Variants in RBM25 observed in about 807,000 individuals in gnomAD.
The protein encoded by RBM25 is RNA binding motif protein 25.
Under a neutral mutation model 120.7 loss-of-function variants are expected in RBM25, and 19 were observed. The ratio of observed to expected loss-of-function variants is 0.16; its 90% CI spans 0.11 to 0.23. The LOEUF is 0.23. RBM25 is among the 10% of genes least tolerant of loss of function. The probability of loss-of-function intolerance (pLI) is 1.00; values close to 1 mark genes in which losing one functional copy is unlikely to be tolerated. For synonymous variants in RBM25, 390 were observed against 326.7 expected (o/e 1.19, Z -2.09); for missense variants, 605 against 1,041.5 (o/e 0.58, Z 5.77).
rs539968090 is a variant in RBM25 at position 73,078,105 on chromosome 14, C to G, written c.324+569C>G. Among the ~76,000 whole-genome samples, 7 of 152,268 alleles carry G rather than the reference C, an allele frequency of 4.6e-5. No homozygotes were observed. In the South Asian group the frequency reaches 1.4e-3, roughly 32 times the overall value. Reference sequence around the variant, plus strand: ...ATCATTTGTGGTCAGGAGTTCGAGACCAGCCTGACCAACATGGTGAGACCC... The same window carrying G: ...ATCATTTGTGGTCAGGAGTTCGAGAGCAGCCTGACCAACATGGTGAGACCC... On this transcript the variant is annotated intron_variant, in intron 4 of 18. Transcript: ENST00000261973.
rs149771439 is a variant in RBM25 at position 73,123,076 on chromosome 14, A to G, written c.*3271A>G. Reference sequence around the variant, plus strand: ...CCAGCCCTGAAAATTTTTTCTGTAGATAACTTTATGTTGTAACTTATTCTG... The same window carrying G: ...CCAGCCCTGAAAATTTTTTCTGTAGGTAACTTTATGTTGTAACTTATTCTG... On this transcript the variant is annotated 3_prime_UTR_variant, in exon 19 of 19. Coordinates refer to ENST00000261973, the MANE Select transcript of RBM25 (RefSeq NM_021239.3). 176 of 152,228 alleles carry G rather than the reference A, an allele frequency of 1.2e-3. No homozygotes were observed. The highest frequency in any genetic ancestry group is 3.4e-3 in the African/African-American group (142 of 41,542). The allele number at this position is 152,228 out of a possible 1,614,324, so 9.4% of individuals were successfully genotyped here. A position where few individuals can be genotyped will look rare whatever the true frequency, so the allele number is the denominator to read the frequency against.
In RBM25 at chr14:73,099,331, A is replaced by G. The variant is rs778940168; in HGVS notation, c.730-49A>G. ...GGGCATTGCTTTGCAGATTAGTATGAGCTCTGTTTTTCTTTTTTAAAAAAG... is the reference window on the plus strand; with the variant it reads ...GGGCATTGCTTTGCAGATTAGTATGGGCTCTGTTTTTCTTTTTTAAAAAAG... On this transcript the variant is annotated intron_variant, in intron 7 of 18. Transcript: ENST00000261973. 6.6e-6 allele frequency: 10 copies of G among 1,525,916 alleles called. No individual in the cohort carries two copies. The South Asian group carries it at 7.1e-5, about 11-fold the overall frequency. 94.5% of individuals were successfully genotyped at this position (1,525,916 alleles called of 1,614,324 possible). A position where few individuals can be genotyped will look rare whatever the true frequency, so the allele number is the denominator to read the frequency against.
At chr14:73,083,830 A>G (rs1256139499) in intron 5 of RBM25, among the ~76,000 whole-genome samples, 1 of 152,170 alleles carries the variant, frequency 6.6e-6, no homozygotes, top group Non-Finnish European at 1.5e-5. Flanking sequence ...TTTTGTCTCA[A>G]GAAATGACTG....
chr14:73,117,180 A>G (rs957754186), intron 18 of RBM25, among the ~76,000 whole-genome samples: 47 of 114,616 alleles, frequency 4.1e-4, no homozygotes, highest in Non-Finnish European at 7.2e-4. Context: ...AGTGACAGAA[A>G]TTTCTTTCTT....
At position 73,123,635 on chromosome 14, in the gene RBM25, T is replaced by A. The variant is rs1896570997; in HGVS notation, c.*3830T>A. 6.6e-6 allele frequency: 1 copy of A among 152,274 alleles called. No homozygotes were observed. The highest frequency in any genetic ancestry group is 2.1e-4 in the South Asian group (1 of 4,828). The allele number at this position is 152,274 out of a possible 1,614,324, so 9.4% of individuals were successfully genotyped here. A position where few individuals can be genotyped will look rare whatever the true frequency, so the allele number is the denominator to read the frequency against. On this transcript the variant is annotated 3_prime_UTR_variant, in exon 19 of 19. Transcript: ENST00000261973. The stretch of plus-strand genomic sequence containing the variant: ...CCAGGAGCTACTAATATAACAATCA[T>A]ACTATAGAGCGAAGTGAACTTACAC...
chr14:73,088,475 G>A (rs1895739341), intron 6 of RBM25: 1 of 479,866 alleles, frequency 2.1e-6, no homozygotes, highest in African/African-American at 2.0e-5. Context: ...AGCTTTGTAA[G>A]TAAGTACAAA....
chr14:73,082,478 A>G (rs976183289), intron 4 of RBM25, among the ~76,000 whole-genome samples: 1 of 151,888 alleles, frequency 6.6e-6, no homozygotes, highest in African/African-American at 2.4e-5. Context: ...TTTTGTAGAG[A>G]CAGTGTCTCC....
chr14:73,116,310 C>A (rs1372172927), intron 18 of RBM25, among the ~76,000 whole-genome samples: 1 of 152,268 alleles, frequency 6.6e-6, no homozygotes. Context: ...GAAAAATCAT[C>A]AAGCATGATA....
At chr14:73,116,883 T>G (rs1896438410) in intron 18 of RBM25, among the ~76,000 whole-genome samples, 1 of 152,230 alleles carries the variant, frequency 6.6e-6, no homozygotes, top group African/African-American at 2.4e-5. Context: ...CAAACAGCTC[T>G]GCTAAAAAGC....
chr14:73,102,298 A>G (rs1896072280), intron 9 of RBM25: 2 of 152,198 alleles, frequency 1.3e-5, no homozygotes, highest in South Asian at 4.1e-4. Context: ...TTGTCAGGGT[A>G]CAAACTTGGT....
intron 18 of RBM25, among the ~76,000 whole-genome samples, chr14:73,116,481 T>G (rs1481766105): frequency 2.0e-5 from 3 of 152,232 alleles, no homozygotes; most frequent in African/African-American, 7.2e-5. Context: ...ATTCCTTTTC[T>G]GCTGCCTAGC....
intron 18 of RBM25, among the ~76,000 whole-genome samples, chr14:73,116,211 C>G (rs747292105): frequency 1.3e-5 from 2 of 152,028 alleles, no homozygotes; most frequent in African/African-American, 4.8e-5. Flanking sequence ...GAGGAAAAAC[C>G]TAATTTAGTT....
rs575531040 is a variant in RBM25, at chr14:73,117,436, G to A, written c.2440-2277G>A. ...TAGTATTGACGGGTTTCACCATGTT[G>A]GCCCGGCTGGTCTCAAACTCCTGAC... is the stretch of plus-strand genomic sequence containing the variant. On this transcript the variant is annotated intron_variant, in intron 18 of 18. Transcript: ENST00000261973. 4.0e-5 allele frequency among the ~76,000 whole-genome samples: 6 copies of A among 151,772 alleles called. No homozygotes were observed. In the South Asian group the frequency reaches 1.2e-3, roughly 32 times the overall value.
At chr14:73,086,180 G>T (rs61985148) in intron 5 of RBM25, among the ~76,000 whole-genome samples, 1 of 151,940 alleles carries the variant, frequency 6.6e-6, no homozygotes, top group Non-Finnish European at 1.5e-5. Context: ...GGGTGTGGTG[G>T]CTCGAGCTTG....
At chr14:73,089,482 G>A (rs1310697702) in intron 6 of RBM25, among the ~76,000 whole-genome samples, 2 of 151,822 alleles carry the variant, frequency 1.3e-5, no homozygotes, top group African/African-American at 2.4e-5. Flanking sequence ...AGCCTCCTGA[G>A]TAGCTGGGAT....
At chr14:73,086,004 A>G (rs1047342620) in intron 5 of RBM25, among the ~76,000 whole-genome samples, 1 of 149,762 alleles carries the variant, frequency 6.7e-6, no homozygotes, top group African/African-American at 2.5e-5. Context: ...GACCCTGAAC[A>G]CCTTTGACAG....
At chr14:73,063,755 C>T (rs749612492) in intron 1 of RBM25, among the ~76,000 whole-genome samples, 3 of 151,336 alleles carry the variant, frequency 2.0e-5, no homozygotes, top group African/African-American at 7.3e-5. Flanking sequence ...CTGTTCCCTT[C>T]CAGGCTTAAC....
In RBM25 at chr14:73,121,754, C is replaced by T. The variant is rs928701599; in HGVS notation, c.*1949C>T. On this transcript the variant is annotated 3_prime_UTR_variant, in exon 19 of 19. Transcript: ENST00000261973. ...AGATTTGATTTCCTTTGCTTCGTTT[C>T]TTCTCCTGCTCTGTCAACTGTACTT... 1 of 152,196 alleles carries T rather than the reference C, an allele frequency of 6.6e-6. No individual in the cohort carries two copies. The highest frequency in any genetic ancestry group is 1.5e-5 in the Non-Finnish European group (1 of 68,046). 9.4% of individuals were successfully genotyped at this position (152,196 alleles called of 1,614,324 possible).
intron 2 of RBM25, 107 bp from the exon 3 acceptor site, chr14:73,076,212 C>T: frequency 2.1e-6 from 2 of 931,582 alleles, no homozygotes; most frequent in Non-Finnish European, 1.7e-6. Context: ...TTTCATTTGT[C>T]TTATATTTCC....
Sources: gnomAD v4.1 joint callset for allele counts (sites outside exome capture counted in the v4.1 genomes callset) on GRCh38, gnomAD v4.1.1 for gene constraint, MANE v1.5 for transcripts, NCBI Gene and HGNC (gene_info 2026-07-23, HGNC 2026-07-21) for gene names.